The following UNC79 variants were observed in gnomAD, a reference collection of about 807,000 sequenced individuals.
UNC79 encodes protein unc-79 homolog.
In UNC79, 37 loss-of-function variants were observed where a neutral mutation model predicts 283.1. The observed-to-expected ratio is 0.13, with a 90% CI of 0.10 to 0.17. UNC79 has a LOEUF of 0.17. UNC79 is among the 10% of genes least tolerant of loss of function. UNC79 has a pLI of 1.00. For synonymous variants in UNC79, 1,107 were observed against 1,200.2 expected, an observed-to-expected ratio of 0.92 and a Z score of 1.61; for missense variants, 2,272 against 3,211.1, an observed-to-expected ratio of 0.71 and a Z score of 7.07.
In UNC79 at chr14:93,469,955, T is replaced by G. The variant is rs573466426; in HGVS notation, c.143+2164T>G. Among the ~76,000 whole-genome samples, 700 of 152,298 alleles carry G rather than the reference T, an allele frequency of 4.6e-3. 3 individuals carry two copies. Among genetic ancestry groups the G allele is most frequent in the African/African-American group, 0.016 (666 of 41,564 alleles). On this transcript the variant is annotated intron_variant, in intron 2 of 48. Transcript: ENST00000555664. ...ATTTGGTGTCCAAGATTAGTGGCAG[T>G]AAGATTTTCTACTACAAACAAGATT...
chr14:93,599,788 G>A (rs1289713134), intron 24 of UNC79, among the ~76,000 whole-genome samples: 5 of 152,158 alleles, frequency 3.3e-5, no homozygotes. Context: ...AGAAAACCAG[G>A]TGACTTTGCT....
intron 12 of UNC79, among the ~76,000 whole-genome samples, chr14:93,538,958 A>C (rs1295580022): frequency 5.9e-5 from 9 of 151,726 alleles, no homozygotes; most frequent in Admixed American, 5.9e-4. Context: ...GCTGGAGTGC[A>C]GTGGTACAAT....
At chr14:93,673,506 G>T in intron 41 of UNC79, 51 bp downstream of exon 44, 1 of 1,539,952 alleles carries the variant, frequency 6.5e-7, no homozygotes. Flanking sequence ...ATGTATGTTT[G>T]GGAAAATTAA....
At chr14:93,525,047 A>T (rs1163424980) in intron 8 of UNC79, among the ~76,000 whole-genome samples, 2 of 152,238 alleles carry the variant, frequency 1.3e-5, no homozygotes, top group Non-Finnish European at 2.9e-5. Flanking sequence ...GAGTGCCGGT[A>T]ATAACACTGT....
In UNC79 at chr14:93,430,526, G is replaced by A. The variant is rs1267211900; in HGVS notation, c.-504G>A. The stretch of plus-strand genomic sequence containing the variant: ...TGGGTCCCTCTCTGGTCACCCTGCT[G>A]AGGCTCCGGGGGCTGCTCCGGGAGC... On this transcript the variant is annotated 5_prime_UTR_variant, in exon 1 of 49. Transcript: ENST00000555664. The surrounding 1 kb of genome is among the most constrained non-coding windows in gnomAD (Gnocchi z 4.6). The A allele has an allele frequency of 2.0e-5, 3 of 153,076 alleles. 1 individual carries two copies. The South Asian group carries it at 6.1e-4, about 31-fold the overall frequency. 9.5% of individuals were successfully genotyped at this position (153,076 alleles called of 1,614,324 possible).
intron 14 of UNC79, among the ~76,000 whole-genome samples, chr14:93,555,108 T>G (rs979918354): frequency 6.6e-6 from 1 of 152,248 alleles, no homozygotes; most frequent in Non-Finnish European, 1.5e-5. Flanking sequence ...CCTGCCTAAT[T>G]TAGACTGAAT....
At chr14:93,569,392 G>C (rs757335708) in intron 14 of UNC79, among the ~76,000 whole-genome samples, 2 of 151,960 alleles carry the variant, frequency 1.3e-5, no homozygotes, top group African/African-American at 4.8e-5. Context: ...AACTGAAATC[G>C]CGCCATTGCA....
At chr14:93,640,945 C>T (rs923806375) in intron 32 of UNC79, among the ~76,000 whole-genome samples, 200 bp from the exon 36 acceptor site, 2 of 152,150 alleles carry the variant, frequency 1.3e-5, no homozygotes, top group Non-Finnish European at 2.9e-5. Context: ...TCTAGCTCTT[C>T]ACTTCAACCA....
In UNC79 at chr14:93,662,903, C is replaced by A. The variant is rs186769360; in HGVS notation, c.6636+189C>A. 6.6e-5 allele frequency among the ~76,000 whole-genome samples: 10 copies of A among 151,948 alleles called. No individual in the cohort carries two copies. In the East Asian group the frequency reaches 1.5e-3, roughly 23 times the overall value. On this transcript the variant is annotated intron_variant, in intron 40 of 48. Transcript: ENST00000555664. The stretch of plus-strand genomic sequence containing the variant: ...ACACACACACACACACACACACACA[C>A]AAACACACATACAATGTCTAAAATA...
intron 22 of UNC79, among the ~76,000 whole-genome samples, chr14:93,590,948 G>A (rs2064627315): frequency 6.6e-6 from 1 of 152,162 alleles, no homozygotes; most frequent in Non-Finnish European, 1.5e-5. Flanking sequence ...TCATGATGGT[G>A]GTAGCAGCTT....
intron 1 of UNC79, among the ~76,000 whole-genome samples, chr14:93,341,418 C>T (rs1259226504): frequency 6.6e-6 from 1 of 151,898 alleles, no homozygotes; most frequent in Non-Finnish European, 1.5e-5. Flanking sequence ...GATCGCACCA[C>T]TGTACTCCAG....
At chr14:93,605,088 C>A in intron 26 of UNC79, 127 bp downstream of exon 27, 1 of 927,416 alleles carries the variant, frequency 1.1e-6, no homozygotes, top group Non-Finnish European at 1.5e-6. Context: ...AAGGGTCTTA[C>A]CCCAGATGTT....
At chr14:93,480,607 A>G (rs967393697) in intron 4 of UNC79, among the ~76,000 whole-genome samples, 1 of 152,210 alleles carries the variant, frequency 6.6e-6, no homozygotes, top group Non-Finnish European at 1.5e-5. Flanking sequence ...CGATTACACC[A>G]TTCAGGTGTT....
intron 1 of UNC79, among the ~76,000 whole-genome samples, chr14:93,451,158 CTCTT>C (rs764171424): frequency 1.3e-4 from 20 of 151,660 alleles, no homozygotes; most frequent in Non-Finnish European, 2.8e-4. Flanking sequence ...TCCTTACAGA[CTCTT>C]TCTCTCCAAG....
At chr14:93,415,513 A>G (rs1170092216) in intron 1 of UNC79, among the ~76,000 whole-genome samples, 1 of 151,862 alleles carries the variant, frequency 6.6e-6, no homozygotes, top group Non-Finnish European at 1.5e-5. Context: ...CGGCTTTGGT[A>G]TCAGGATGAT....
At chr14:93,400,103 A>G (rs1440367564) in intron 1 of UNC79, among the ~76,000 whole-genome samples, 1 of 152,148 alleles carries the variant, frequency 6.6e-6, no homozygotes, top group African/African-American at 2.4e-5. Context: ...CCTATGACCA[A>G]CTGGCTGATT....
chr14:93,674,869 A>G (rs1223530356), intron 41 of UNC79, among the ~76,000 whole-genome samples: 1 of 152,152 alleles, frequency 6.6e-6, no homozygotes, highest in Non-Finnish European at 1.5e-5. Context: ...CAAGCACCTG[A>G]TTTCAGTGTG....
intron 8 of UNC79, among the ~76,000 whole-genome samples, chr14:93,525,449 GA>G (rs1413311150): frequency 1.9e-4 from 28 of 146,892 alleles, no homozygotes; most frequent in East Asian, 3.9e-4. Context: ...ACTCCATCTC[GA>G]AAAAAAAAAG....
At chr14:93,471,924 C>G (rs1178677841) in intron 2 of UNC79, among the ~76,000 whole-genome samples, 1 of 152,062 alleles carries the variant, frequency 6.6e-6, no homozygotes, top group African/African-American at 2.4e-5. Context: ...TATTTGTTAA[C>G]TGACATCATA....
Sources: gnomAD v4.1 joint callset for allele counts (sites outside exome capture counted in the v4.1 genomes callset) on GRCh38, gnomAD v4.1.1 for gene constraint, Gnocchi (gnomAD v3.1) non-coding constraint, MANE v1.5 for transcripts, NCBI Gene and HGNC (gene_info 2026-07-23, HGNC 2026-07-21) for gene names.